Variants in KLHDC4 observed in about 807,000 individuals in gnomAD.
The protein encoded by KLHDC4 is kelch domain-containing protein 4.
Under a neutral mutation model 62.4 loss-of-function variants are expected in KLHDC4, and 90 were observed. The observed-to-expected ratio is 1.44, with a 90% CI of 1.22 to 1.72. The LOEUF is 1.72. Ranked by LOEUF, KLHDC4 falls within the 40% of genes most tolerant of loss-of-function variation. KLHDC4 has a pLI of 0.00. For synonymous variants in KLHDC4, 386 were observed against 284.4 expected, an observed-to-expected ratio of 1.36 and a Z score of -3.59; for missense variants, 1,025 against 699.7, an observed-to-expected ratio of 1.47 and a Z score of -5.25.
At chr16:87,761,035 A>G (rs1403262188) in intron 2 of KLHDC4, among the ~76,000 whole-genome samples, 1 of 152,230 alleles carries the variant, frequency 6.6e-6, no homozygotes, top group Non-Finnish European at 1.5e-5. Flanking sequence ...TCCATCTCAA[A>G]AAGAAAAAAA....
Position 87,748,673 on chromosome 16 carries a change from T to G in KLHDC4, c.506A>C (p.Lys169Thr). 6.2e-7 allele frequency: 1 copy of G among 1,613,534 alleles called. No individual in the cohort carries two copies. The highest frequency in any genetic ancestry group is 8.5e-7 in the Non-Finnish European group (1 of 1,179,902). The part of the protein sequence containing the change: ...HLATKTWEQV[K>T]STGGPSGRSG... ...CTCAGCTTCTCATCTGGCTTCTTACTTGACTTGTTCCCAGGTCTTGGTGGC... is the reference window on the plus strand; with the variant it reads ...CTCAGCTTCTCATCTGGCTTCTTACGTGACTTGTTCCCAGGTCTTGGTGGC... Residue 169 changes from lysine to threonine, a missense_variant and splice_region_variant, in exon 5 of 12, where the codon AAA becomes ACA. By Grantham distance (78) the Lys-to-Thr change is moderately conservative. Transcript: ENST00000270583.
At chr16:87,717,111 G>C (rs2037160664) in intron 7 of KLHDC4, among the ~76,000 whole-genome samples, 1 of 152,046 alleles carries the variant, frequency 6.6e-6, no homozygotes, top group Non-Finnish European at 1.5e-5. Context: ...TGCATCTGTA[G>C]TCTCAGCTAC....
At chr16:87,756,777 C>T (rs1314080873) in intron 2 of KLHDC4, among the ~76,000 whole-genome samples, 2 of 150,746 alleles carry the variant, frequency 1.3e-5, no homozygotes, top group Non-Finnish European at 3.0e-5. Context: ...GATGCCCCTA[C>T]TGATGTATCA....
At chr16:87,744,771 C>G (rs1455634340) in intron 5 of KLHDC4, among the ~76,000 whole-genome samples, 5 of 152,174 alleles carry the variant, frequency 3.3e-5, no homozygotes, top group African/African-American at 4.8e-5. Context: ...GAAAAAACCT[C>G]AGAAACAATA....
Position 87,726,910 on chromosome 16 carries a change from T to C in KLHDC4, c.614A>G (p.Tyr205Cys). 2 of 1,613,960 alleles carry C rather than the reference T, an allele frequency of 1.2e-6. No individual in the cohort carries two copies. Among genetic ancestry groups the C allele is most frequent in the Non-Finnish European group, 8.5e-7 (1 of 1,179,910 alleles). The change falls in exon 7 of 12, where the codon TAC becomes TGC. Residue 205 changes from tyrosine (Y) to cysteine (C), a missense_variant. By Grantham distance (194) the Tyr-to-Cys change is radical. Transcript: ENST00000270583. Reference protein sequence around the residue: ...FHESTRDYIYYNDVYAFNLDT... With the variant: ...FHESTRDYIYCNDVYAFNLDT... ...CAGATTAAAGGCATACACGTCGTTG[T>C]AGTAGATGTAATCCCTGGTTAGAAG...
At chr16:87,703,981 G>C (rs1179350005), downstream of KLHDC4, among the ~76,000 whole-genome samples, 3 of 152,224 alleles carry the variant, frequency 2.0e-5, no homozygotes, top group African/African-American at 4.8e-5. Context: ...CACTGCCCAG[G>C]AGAGCAGCGG....
chr16:87,737,779 T>A (rs62055587), intron 5 of KLHDC4, among the ~76,000 whole-genome samples: 11,341 of 151,894 alleles, frequency 0.075, 577 homozygotes, highest in Non-Finnish European at 0.11. Flanking sequence ...TCTGTAGAGA[T>A]GGCGTTTCAC....
At chr16:87,712,732 G>A (rs1597398466) in intron 8 of KLHDC4, among the ~76,000 whole-genome samples, 2 of 152,258 alleles carry the variant, frequency 1.3e-5, no homozygotes, top group Admixed American at 1.3e-4. Context: ...GTATTTCTGA[G>A]GCCTCAGCAT....
chr16:87,753,140 A>G (rs1380924252), intron 4 of KLHDC4, among the ~76,000 whole-genome samples: 1 of 152,234 alleles, frequency 6.6e-6, no homozygotes, highest in Non-Finnish European at 1.5e-5. Context: ...GTGGCAGGGC[A>G]GAGCACTGGA....
intron 5 of KLHDC4, among the ~76,000 whole-genome samples, chr16:87,732,576 C>T (rs186815831): frequency 6.6e-6 from 1 of 152,252 alleles, no homozygotes; most frequent in East Asian, 1.9e-4. Context: ...ACACAAATAA[C>T]ACATAAATAA....
chr16:87,735,957 C>T (rs1334316955), intron 5 of KLHDC4, among the ~76,000 whole-genome samples: 1 of 152,198 alleles, frequency 6.6e-6, no homozygotes, highest in African/African-American at 2.4e-5. Context: ...AAACACTCTG[C>T]ATGCAAACGC....
chr16:87,757,622 G>A (rs1412587089), intron 2 of KLHDC4, among the ~76,000 whole-genome samples: 1 of 152,092 alleles, frequency 6.6e-6, no homozygotes, highest in African/African-American at 2.4e-5. Context: ...AGGCCCGGTG[G>A]CTCACACTTG....
intron 5 of KLHDC4, among the ~76,000 whole-genome samples, chr16:87,735,832 G>A (rs574607783): frequency 6.5e-4 from 99 of 152,324 alleles, no homozygotes; most frequent in African/African-American, 2.3e-3. Context: ...GCTGCGTGCA[G>A]GATGGAGCTC....
At chr16:87,709,818 G>A (rs1442560667) in intron 9 of KLHDC4, 151 bp from the exon 10 acceptor site, 7 of 885,804 alleles carry the variant, frequency 7.9e-6, no homozygotes, top group East Asian at 2.7e-5. Context: ...TGACTGCCCT[G>A]GGTGCAGGCA....
chr16:87,737,899 C>G (rs989122824), intron 5 of KLHDC4, among the ~76,000 whole-genome samples: 5 of 152,244 alleles, frequency 3.3e-5, no homozygotes, highest in South Asian at 2.1e-4. Context: ...CCCAGTCTCT[C>G]TAAGTACATG....
At chr16:87,718,482 G>C (rs1217943659) in intron 7 of KLHDC4, among the ~76,000 whole-genome samples, 1 of 151,296 alleles carries the variant, frequency 6.6e-6, no homozygotes, top group African/African-American at 2.4e-5. Context: ...TGATTCTCCT[G>C]CCTCAGCCTG....
At chr16:87,726,987 C>T in intron 6 of KLHDC4, 63 bp from the exon 7 acceptor site, 1 of 1,547,112 alleles carries the variant, frequency 6.5e-7, no homozygotes, top group South Asian at 1.1e-5. Context: ...ACATTAAAAA[C>T]TGAACTGATT....
intron 7 of KLHDC4, among the ~76,000 whole-genome samples, chr16:87,721,146 C>A (rs1368043703): frequency 6.6e-6 from 1 of 152,212 alleles, no homozygotes; most frequent in Non-Finnish European, 1.5e-5. Context: ...GAAGGCCGGG[C>A]ATAGTGGCTC....
chr16:87,702,367 G>A (rs749726907), exon 1 of KLHDC4: 5 of 438,680 alleles, frequency 1.1e-5, no homozygotes, highest in South Asian at 8.1e-5. Flanking sequence ...GCAGGGGCAG[G>A]GGGGCGGGCC....
Sources: allele counts gnomAD v4.1 joint callset (sites outside exome capture counted in the v4.1 genomes callset), GRCh38; gene constraint gnomAD v4.1.1; transcripts MANE v1.5; gene names NCBI Gene and HGNC (gene_info 2026-07-23, HGNC 2026-07-21).